The following CEP350 variants were observed in gnomAD, a reference collection of about 807,000 sequenced individuals.
CEP350 encodes centrosomal protein 350.
CEP350 carries 126 observed loss-of-function variants against 331.8 expected under a neutral mutation model. The observed-to-expected ratio is 0.38, with a 90% confidence interval of 0.33 to 0.44. The LOEUF (loss-of-function observed/expected upper bound fraction) is 0.44, where lower values mean the gene tolerates loss of function less well. CEP350 is among the 20% of genes least tolerant of loss of function. The pLI, the probability that CEP350 is intolerant of heterozygous loss-of-function variation, is 1.00. For missense variants in CEP350, 3,406 were observed against 3,634.6 expected (o/e 0.94, Z 1.62); for synonymous variants, 1,200 against 1,259.5 (o/e 0.95, Z 1.00).
chr1:180,016,747 C>T (rs965854839), intron 11 of CEP350, among the ~76,000 whole-genome samples: 12 of 149,394 alleles, frequency 8.0e-5, no homozygotes, highest in African/African-American at 2.2e-4. Flanking sequence ...CTGCAACCTC[C>T]GCCTCCCAGA....
intron 33 of CEP350, 73 bp from the exon 34 acceptor site, chr1:180,092,541 C>G: frequency 3.2e-6 from 4 of 1,242,356 alleles, no homozygotes; most frequent in Non-Finnish European, 4.3e-6. Flanking sequence ...TGGCTTTTCT[C>G]TAAACTTTGG....
intron 12 of CEP350, among the ~76,000 whole-genome samples, chr1:180,022,431 G>A (rs1655387707): frequency 6.6e-6 from 1 of 152,054 alleles, no homozygotes; most frequent in Non-Finnish European, 1.5e-5. Flanking sequence ...AAACTAGATT[G>A]GTGATGTATT....
chr1:180,020,648 T>C lies in CEP350; in HGVS notation c.2874T>C (p.Ser958=). The C allele has an allele frequency of 6.2e-7, 1 of 1,613,988 alleles. No individual in the cohort carries two copies. Among genetic ancestry groups the C allele is most frequent in the African/African-American group, 1.3e-5 (1 of 75,038 alleles). ...LAQLCKRQTD[S]SSSDMQACSQ... is the part of the protein sequence containing the mutation. ...AGTTATGTAAAAGGCAGACTGACTC[T>C]TCTAGCTCTGATATGCAAGCCTGTT... Residue 958 remains serine, a synonymous_variant, in exon 12 of 38, where the codon TCT becomes TCC. Coordinates refer to ENST00000367607, the MANE Select transcript of CEP350 (RefSeq NM_014810.5).
intron 24 of CEP350, 96 bp from the exon 25 acceptor site, chr1:180,054,319 G>T (rs982815732): frequency 1.0e-6 from 1 of 990,870 alleles, no homozygotes. Context: ...ATGTTAAATT[G>T]GTTTGTAGAC....
intron 9 of CEP350, among the ~76,000 whole-genome samples, chr1:180,013,338 A>G (rs1205468116): frequency 6.6e-6 from 1 of 152,166 alleles, no homozygotes; most frequent in Admixed American, 6.5e-5. Flanking sequence ...AGAAAAACTA[A>G]TATTTTCAGT....
chr1:179,965,615 C>CTTTTTTTT (rs747027286), intron 1 of CEP350, among the ~76,000 whole-genome samples: 32 of 84,394 alleles, frequency 3.8e-4, no homozygotes, highest in East Asian at 7.3e-4. Flanking sequence ...TTTTTCTTTT[C>CTTTTTTTT]TTTTTTTTTT....
chr1:180,056,819 G>A (rs1334195615), intron 25 of CEP350, among the ~76,000 whole-genome samples: 1 of 151,936 alleles, frequency 6.6e-6, no homozygotes, highest in Non-Finnish European at 1.5e-5. Context: ...ACATAGGTTA[G>A]ACCTTTTGAC....
intron 16 of CEP350, among the ~76,000 whole-genome samples, chr1:180,036,721 T>C (rs2148898623): frequency 6.6e-6 from 1 of 152,348 alleles, no homozygotes; most frequent in Non-Finnish European, 1.5e-5. Context: ...CCAAAAAATT[T>C]GTGTGACTTG....
intron 7 of CEP350, among the ~76,000 whole-genome samples, chr1:180,004,878 GCTTGCTTGCTTGCTTGCTTGCTT>G (rs1558092873): frequency 0.041 from 3,853 of 93,734 alleles, 83 homozygotes; most frequent in African/African-American, 0.06. Flanking sequence ...TGGCTGGCTT[GCTTGCTTGCTTGCTTGCTTGCTT>G]GCTTGCTTTC....
intron 5 of CEP350, among the ~76,000 whole-genome samples, chr1:179,993,556 C>G (rs1212829976): frequency 6.6e-6 from 1 of 152,026 alleles, no homozygotes; most frequent in East Asian, 1.9e-4. Context: ...CTAGCTGAGG[C>G]TTACAGGCGC....
chr1:180,111,020 G>C lies in CEP350; in HGVS notation c.9213G>C (p.Glu3071Asp). Reference sequence around the variant, plus strand: ...AGGTTCAGGAGCTCCATGAGGAGGAGGCACAGTGGGTGAACTATGATGAGG... The same window carrying C: ...AGGTTCAGGAGCTCCATGAGGAGGACGCACAGTGGGTGAACTATGATGAGG... ...HILVQELHEE[E>D]AQWVNYDEDE... is the part of the protein sequence containing the mutation. The change falls in exon 38 of 38, where the codon GAG (glutamate) becomes GAC (aspartate). Residue 3071 changes from glutamate (E) to aspartate (D), a missense_variant. This residue lies in a region of CEP350 where 1,415 missense variants were observed against 1,512.3 expected (regional missense o/e 0.94). Transcript: ENST00000367607. The C allele has an allele frequency of 6.2e-7, 1 of 1,613,956 alleles. No homozygotes were observed.
chr1:179,958,609 A>G (rs547052827), intron 1 of CEP350, among the ~76,000 whole-genome samples: 5 of 152,324 alleles, frequency 3.3e-5, no homozygotes, highest in African/African-American at 1.2e-4. Context: ...ACCTAACTGC[A>G]CTACTTTCTA....
At chr1:180,101,370 A>G (rs1394988364) in intron 37 of CEP350, among the ~76,000 whole-genome samples, 1 of 152,136 alleles carries the variant, frequency 6.6e-6, no homozygotes, top group Non-Finnish European at 1.5e-5. Context: ...CTCCTCTCCC[A>G]TAATTAGATT....
intron 14 of CEP350, among the ~76,000 whole-genome samples, chr1:180,028,794 A>G (rs996790627): frequency 3.9e-5 from 6 of 151,934 alleles, no homozygotes; most frequent in African/African-American, 1.5e-4. Context: ...ACAGAGCTAG[A>G]CCTGTCTCAA....
intron 22 of CEP350, among the ~76,000 whole-genome samples, chr1:180,052,479 A>AT (rs1039215835): frequency 3.9e-5 from 6 of 152,234 alleles, no homozygotes; most frequent in Non-Finnish European, 5.9e-5. Context: ...GAAGTATTCA[A>AT]TAAAAAAAAG....
chr1:180,072,181 G>A (rs192579518), intron 27 of CEP350, among the ~76,000 whole-genome samples: 1 of 152,142 alleles, frequency 6.6e-6, no homozygotes, highest in Admixed American at 6.5e-5. Flanking sequence ...CTAACTTTAA[G>A]TTAAACTTTT....
At chr1:180,024,823 CAAAG>C (rs199723046) in intron 14 of CEP350, among the ~76,000 whole-genome samples, 2,554 of 152,044 alleles carry the variant, frequency 0.017, 72 homozygotes, top group African/African-American at 0.058. Flanking sequence ...AAACACTCTT[CAAAG>C]AAAGACAAAT....
intron 20 of CEP350, 80 bp from the exon 21 acceptor site, chr1:180,043,965 TATCTCA>T: frequency 8.8e-7 from 1 of 1,133,624 alleles, no homozygotes; most frequent in Non-Finnish European, 1.2e-6. Flanking sequence ...TTCAAGATTT[TATCTCA>T]TATTACTATT....
Position 180,095,913 on chromosome 1 carries a change from A to G in CEP350, c.8902A>G (p.Lys2968Glu), listed in dbSNP as rs138830661. ...SKGLDIESTS[K>E]RVYKQAVFDL... The stretch of plus-strand genomic sequence containing the variant: ...AGGTCTAGATATAGAAAGCACTAGT[A>G]AAAGGGTCTACAAACAGGTAGGTGA... Residue 2968 changes from lysine (K) to glutamate (E), a missense_variant, in exon 35 of 38, where the codon AAA becomes GAA. Coordinates refer to ENST00000367607, the MANE Select transcript of CEP350 (RefSeq NM_014810.5). 1.8e-3 allele frequency: 2,907 copies of G among 1,600,958 alleles called. 2 individuals carry two copies. The highest frequency in any genetic ancestry group is 2.2e-3 in the Non-Finnish European group (2,584 of 1,174,886).
Sources: gnomAD v4.1 joint callset for allele counts (sites outside exome capture counted in the v4.1 genomes callset) on GRCh38, gnomAD v4.1.1 for gene constraint, gnomAD v4.1.1 regional missense constraint, MANE v1.5 for transcripts, NCBI Gene and HGNC (gene_info 2026-07-23, HGNC 2026-07-21) for gene names.